Variants in LDB2 observed in about 807,000 individuals in gnomAD.
The protein encoded by LDB2 is LIM domain-binding protein 2.
Under a neutral mutation model 44.3 loss-of-function variants are expected in LDB2, and 12 were observed. The ratio of observed to expected loss-of-function variants is 0.27; its 90% CI spans 0.17 to 0.44. LDB2 has a LOEUF of 0.44. Ranked by LOEUF, LDB2 falls within the 20% of genes least tolerant of loss-of-function variation. The pLI, the probability that LDB2 is intolerant of heterozygous loss-of-function variation, is 1.00. For synonymous variants in LDB2, 164 were observed against 174.8 expected, an observed-to-expected ratio of 0.94 and a Z score of 0.49; for missense variants, 344 against 473.5, an observed-to-expected ratio of 0.73 and a Z score of 2.54.
intron 1 of LDB2, among the ~76,000 whole-genome samples, chr4:16,866,046 C>T (rs764870623): frequency 1.3e-5 from 2 of 152,154 alleles, no homozygotes; most frequent in Admixed American, 6.5e-5. Flanking sequence ...GCCTTATCTC[C>T]GCATGGAAGT....
At chr4:16,563,212 A>G (rs1443783665) in intron 5 of LDB2, among the ~76,000 whole-genome samples, 1 of 150,002 alleles carries the variant, frequency 6.7e-6, no homozygotes, top group East Asian at 1.9e-4. Flanking sequence ...AACTTAAAGT[A>G]TAATAATAAT....
At chr4:16,827,357 G>C (rs1783247699) in intron 1 of LDB2, among the ~76,000 whole-genome samples, 4 of 151,432 alleles carry the variant, frequency 2.6e-5, no homozygotes, top group African/African-American at 9.7e-5. Flanking sequence ...AAAGAAATAA[G>C]TGCTAAGATG....
chr4:16,551,110 G>A (rs13125810), intron 5 of LDB2, among the ~76,000 whole-genome samples: 24,603 of 152,122 alleles, frequency 0.16, 2,719 homozygotes, highest in East Asian at 0.56. Context: ...TGCATCAAAT[G>A]ATGCAAGTAA....
intron 5 of LDB2, among the ~76,000 whole-genome samples, chr4:16,540,156 T>C (rs950564096): frequency 1.3e-5 from 2 of 152,018 alleles, no homozygotes; most frequent in South Asian, 2.1e-4. Flanking sequence ...GGGGGAAATA[T>C]GCCTCCATGA....
At chr4:16,773,600 G>C (rs1402692905) in intron 1 of LDB2, among the ~76,000 whole-genome samples, 5 of 152,196 alleles carry the variant, frequency 3.3e-5, no homozygotes, top group Non-Finnish European at 7.3e-5. Context: ...AGTAATGTGA[G>C]TGATGGGGGA....
chr4:16,845,180 A>G (rs1055192060), intron 1 of LDB2, among the ~76,000 whole-genome samples: 1 of 152,156 alleles, frequency 6.6e-6, no homozygotes, highest in African/African-American at 2.4e-5. Context: ...CTGAAGCTCT[A>G]GAGGGCTTTC....
At chr4:16,610,894 A>G (rs1473748135) in intron 2 of LDB2, among the ~76,000 whole-genome samples, 6 of 152,150 alleles carry the variant, frequency 3.9e-5, no homozygotes, top group Non-Finnish European at 8.8e-5. Flanking sequence ...AAGAAGATCA[A>G]CCCCAAGACA....
chr4:16,688,791 A>G (rs74915728), intron 2 of LDB2, among the ~76,000 whole-genome samples: 3,618 of 152,344 alleles, frequency 0.024, 47 homozygotes, highest in East Asian at 0.044. Context: ...AACTAAATTC[A>G]AAATCTCTAG....
intron 1 of LDB2, among the ~76,000 whole-genome samples, chr4:16,863,832 T>G (rs1221687558): frequency 6.6e-6 from 1 of 152,090 alleles, no homozygotes; most frequent in Non-Finnish European, 1.5e-5. Context: ...GGCTAATTTT[T>G]TGTATTTTTA....
At chr4:16,511,311 A>G (rs1193361207) in intron 6 of LDB2, among the ~76,000 whole-genome samples, 2 of 152,160 alleles carry the variant, frequency 1.3e-5, no homozygotes, top group Admixed American at 1.3e-4. Context: ...TAGGAAGACA[A>G]TTAATGATGA....
intron 2 of LDB2, among the ~76,000 whole-genome samples, chr4:16,636,159 C>T (rs574026546): frequency 5.9e-5 from 9 of 152,332 alleles, no homozygotes; most frequent in African/African-American, 2.2e-4. Flanking sequence ...AAGTCATCGT[C>T]ATGTTATCCC....
chr4:16,594,109 G>A (rs1355017128), intron 3 of LDB2, among the ~76,000 whole-genome samples: 1 of 150,436 alleles, frequency 6.6e-6, no homozygotes, highest in Non-Finnish European at 1.5e-5. Flanking sequence ...TCCCCTTACA[G>A]CATAAGGAGT....
At chr4:16,722,294 G>A (rs2152684101) in intron 2 of LDB2, among the ~76,000 whole-genome samples, 1 of 152,248 alleles carries the variant, frequency 6.6e-6, no homozygotes, top group East Asian at 1.9e-4. Flanking sequence ...GTGAGGCACA[G>A]AAAGTAGCTT....
intron 2 of LDB2, among the ~76,000 whole-genome samples, chr4:16,651,711 CT>C (rs1338644566): frequency 6.6e-6 from 1 of 152,208 alleles, no homozygotes; most frequent in South Asian, 2.1e-4. Context: ...CCTGTGCGGT[CT>C]TTCCTTCCCA....
At chr4:16,522,508 A>G (rs1577355459) in intron 5 of LDB2, among the ~76,000 whole-genome samples, 1 of 152,186 alleles carries the variant, frequency 6.6e-6, no homozygotes, top group South Asian at 2.1e-4. Context: ...TAATCTGGAG[A>G]TGATTTAAAA....
At chr4:16,511,152 G>A (rs891106521) in intron 6 of LDB2, among the ~76,000 whole-genome samples, 4 of 152,088 alleles carry the variant, frequency 2.6e-5, no homozygotes, top group South Asian at 2.1e-4. Flanking sequence ...CTTACCAGCC[G>A]AAGGTGACCA....
At chr4:16,874,072 T>G (rs1717620124) in intron 1 of LDB2, among the ~76,000 whole-genome samples, 1 of 152,184 alleles carries the variant, frequency 6.6e-6, no homozygotes, top group South Asian at 2.1e-4. Flanking sequence ...TTGGGGTTAC[T>G]TCTGCTTTTT....
chr4:16,700,719 G>A (rs1490045334), intron 2 of LDB2, among the ~76,000 whole-genome samples: 8 of 152,194 alleles, frequency 5.3e-5, no homozygotes, highest in Admixed American at 1.3e-4. Context: ...GACTTGAGGT[G>A]AGAACAAAAT....
At position 16,504,450 on chromosome 4, in the gene LDB2, C is replaced by G. The variant is rs59407077; in HGVS notation, c.892-1577G>C. Among the ~76,000 whole-genome samples, 1,436 of 152,260 alleles carry G rather than the reference C, an allele frequency of 9.4e-3. 21 individuals carry two copies. The highest frequency in any genetic ancestry group is 0.033 in the African/African-American group (1,374 of 41,552). On this transcript the variant is annotated intron_variant, in intron 7 of 7. Coordinates refer to ENST00000304523, the MANE Select transcript of LDB2 (RefSeq NM_001290.5). ...TAAAAATGATTTTAAAAAGAAATGT[C>G]CCAAATGGAGTAAGTAAGTGCCTAA...
Sources: gnomAD v4.1 joint callset for allele counts (sites outside exome capture counted in the v4.1 genomes callset) on GRCh38, gnomAD v4.1.1 for gene constraint, MANE v1.5 for transcripts, NCBI Gene and HGNC (gene_info 2026-07-23, HGNC 2026-07-21) for gene names.